Variants in ADAM22 observed in about 807,000 individuals in gnomAD.
ADAM22 encodes ADAM metallopeptidase domain 22, also known as disintegrin and metalloproteinase domain-containing protein 22.
Under a neutral mutation model 144.6 loss-of-function variants are expected in ADAM22, and 65 were observed. The observed-to-expected ratio is 0.45, with a 90% CI of 0.37 to 0.55. The LOEUF is 0.55. Ranked by LOEUF, ADAM22 falls within the 20% of genes least tolerant of loss-of-function variation. The probability of loss-of-function intolerance (pLI) is 0.00; values close to 1 mark genes in which losing one functional copy is unlikely to be tolerated. For synonymous variants in ADAM22, 391 were observed against 412.6 expected (o/e 0.95, Z 0.63); for missense variants, 974 against 1,184.9 (o/e 0.82, Z 2.61).
intron 2 of ADAM22, among the ~76,000 whole-genome samples, chr7:87,975,235 C>T (rs1298996401): frequency 6.6e-6 from 1 of 152,166 alleles, no homozygotes; most frequent in East Asian, 1.9e-4. Flanking sequence ...GACAGCATTT[C>T]TCTGTTTTAT....
intron 3 of ADAM22, among the ~76,000 whole-genome samples, chr7:88,070,987 A>T (rs1180441562): frequency 6.6e-6 from 1 of 152,142 alleles, no homozygotes; most frequent in Non-Finnish European, 1.5e-5. Context: ...TGTTGTGATG[A>T]GGGACCATTT....
At chr7:88,191,397 C>T (rs1399527039) in intron 30 of ADAM22, among the ~76,000 whole-genome samples, 1 of 152,136 alleles carries the variant, frequency 6.6e-6, no homozygotes, top group African/African-American at 2.4e-5. Context: ...TGCATGATCC[C>T]CTAAAGTAAA....
chr7:87,969,187 G>A (rs1368067780), intron 2 of ADAM22, among the ~76,000 whole-genome samples: 2 of 152,196 alleles, frequency 1.3e-5, no homozygotes, highest in East Asian at 3.8e-4. Context: ...CAGTTTAGAA[G>A]TTCTTTGATG....
At chr7:88,159,229 C>T (rs1476777134) in intron 22 of ADAM22, among the ~76,000 whole-genome samples, 1 of 151,944 alleles carries the variant, frequency 6.6e-6, no homozygotes, top group South Asian at 2.1e-4. Context: ...CCTGAACAGA[C>T]CAATAACAAG....
At chr7:88,011,391 T>C (rs1795360895) in intron 3 of ADAM22, among the ~76,000 whole-genome samples, 1 of 151,916 alleles carries the variant, frequency 6.6e-6, no homozygotes, top group Admixed American at 6.6e-5. Flanking sequence ...ATACAAAAAA[T>C]TAGCCAGGCA....
At chr7:88,000,317 G>A (rs1003658103) in intron 3 of ADAM22, among the ~76,000 whole-genome samples, 10 of 152,136 alleles carry the variant, frequency 6.6e-5, no homozygotes, top group Non-Finnish European at 1.5e-4. Flanking sequence ...AATTAGAGCA[G>A]CAAATCACAG....
At position 88,198,322 on chromosome 7, in the gene ADAM22, A is replaced by G. The variant is rs530361731; in HGVS notation, c.*1831A>G. On this transcript the variant is annotated 3_prime_UTR_variant, in exon 32 of 32. Transcript: ENST00000413139. The stretch of plus-strand genomic sequence containing the variant: ...GACCTCTCTTTTGAAAGTCTTTGAA[A>G]TGTTTGGAAAGCAATTTAATGATCC... The G allele has an allele frequency of 7.2e-5, 11 of 152,308 alleles. No homozygotes were observed. Among genetic ancestry groups the G allele is most frequent in the African/African-American group, 2.2e-4 (9 of 41,560 alleles). The allele number at this position is 152,308 out of a possible 1,614,324, so 9.4% of individuals were successfully genotyped here.
chr7:87,952,548 A>G (rs1845516782), intron 2 of ADAM22, among the ~76,000 whole-genome samples: 1 of 151,944 alleles, frequency 6.6e-6, no homozygotes, highest in African/African-American at 2.4e-5. Context: ...GTTTGCCAGT[A>G]TTTTACTGAG....
At chr7:87,979,838 C>T (rs1852867542) in intron 3 of ADAM22, among the ~76,000 whole-genome samples, 1 of 152,128 alleles carries the variant, frequency 6.6e-6, no homozygotes, top group African/African-American at 2.4e-5. Flanking sequence ...CTTCTGAAAG[C>T]TGCATGTAGA....
chr7:88,037,329 T>C (rs1801759183), intron 3 of ADAM22, among the ~76,000 whole-genome samples: 1 of 152,176 alleles, frequency 6.6e-6, no homozygotes, highest in Non-Finnish European at 1.5e-5. Context: ...TTTTTCTTAA[T>C]GTAATTTTAA....
chr7:88,158,396 A>C (rs906748456), intron 22 of ADAM22, among the ~76,000 whole-genome samples: 1 of 152,142 alleles, frequency 6.6e-6, no homozygotes, highest in Non-Finnish European at 1.5e-5. Flanking sequence ...TATTGGACCA[A>C]ATGGATCTGA....
At chr7:88,004,477 G>A (rs937452773) in intron 3 of ADAM22, among the ~76,000 whole-genome samples, 35 of 152,142 alleles carry the variant, frequency 2.3e-4, no homozygotes, top group Admixed American at 2.0e-4. Context: ...AGTCTCACAA[G>A]GTTCTAATTT....
intron 25 of ADAM22, among the ~76,000 whole-genome samples, chr7:88,169,104 T>A (rs749486079): frequency 1.3e-5 from 2 of 152,148 alleles, no homozygotes; most frequent in Non-Finnish European, 2.9e-5. Context: ...TTAAACCAAT[T>A]GCACCAAAGG....
chr7:88,006,724 A>G (rs1793967006), intron 3 of ADAM22, among the ~76,000 whole-genome samples: 1 of 149,998 alleles, frequency 6.7e-6, no homozygotes, highest in African/African-American at 2.4e-5. Context: ...AAAACTCTCA[A>G]TAAATTAGGT....
chr7:88,048,827 A>G (rs1049355854), intron 3 of ADAM22, among the ~76,000 whole-genome samples: 4 of 152,174 alleles, frequency 2.6e-5, no homozygotes. Context: ...TACATTCTAC[A>G]GATAATTCCC....
chr7:88,132,927 G>C lies in ADAM22; in HGVS notation c.1053G>C (p.Leu351Phe), dbSNP rs374175779. 1 of 1,614,016 alleles carries C rather than the reference G, an allele frequency of 6.2e-7. No homozygotes were observed. Among genetic ancestry groups the C allele is most frequent in the African/African-American group, 1.3e-5 (1 of 75,038 alleles). Residue 351 changes from leucine (L) to phenylalanine (F), a missense_variant, in exon 12 of 32, where the codon TTG becomes TTC. Coordinates refer to ENST00000413139, the MANE Select transcript of ADAM22 (RefSeq NM_001324418.2). Reference protein sequence around the residue: ...GAAYIGGICSLLKGGGVNEFG... With the variant: ...GAAYIGGICSFLKGGGVNEFG... ...CTTATATTGGTGGGATTTGCTCGTT[G>C]CTGAAAGGAGGAGGCGTGAATGAAG...
intron 29 of ADAM22, 138 bp downstream of exon 29, chr7:88,182,162 T>C: frequency 1.4e-6 from 1 of 731,774 alleles, no homozygotes; most frequent in Non-Finnish European, 2.2e-6. Flanking sequence ...TTTTTTGCCC[T>C]TTAAAAATTA....
chr7:88,194,207 C>T (rs1586671946), intron 31 of ADAM22, among the ~76,000 whole-genome samples: 1 of 152,330 alleles, frequency 6.6e-6, no homozygotes, highest in East Asian at 1.9e-4. Context: ...GCTAAATTGT[C>T]TGCATCCCTG....
At chr7:88,104,075 T>C (rs1248842669) in intron 4 of ADAM22, among the ~76,000 whole-genome samples, 1 of 152,154 alleles carries the variant, frequency 6.6e-6, no homozygotes, top group South Asian at 2.1e-4. Context: ...AAAGGATGTT[T>C]GTTGCAACAT....
Sources: gnomAD v4.1 joint callset for allele counts (sites outside exome capture counted in the v4.1 genomes callset) on GRCh38, gnomAD v4.1.1 for gene constraint, MANE v1.5 for transcripts, NCBI Gene and HGNC (gene_info 2026-07-23, HGNC 2026-07-21) for gene names.